PAQR5: variants seen among roughly 807,000 people sequenced by gnomAD.
The protein encoded by PAQR5 is membrane progestin receptor gamma.
A neutral mutation model predicts 34.5 loss-of-function variants in PAQR5; 20 were observed. That is an observed-to-expected ratio of 0.58 (90% CI 0.41 to 0.84). The LOEUF is 0.84. PAQR5 is among the 40% of genes least tolerant of loss of function. The pLI, the probability that PAQR5 is intolerant of heterozygous loss-of-function variation, is 0.00. For synonymous variants in PAQR5, 131 were observed against 155.6 expected (o/e 0.84, Z 1.18); for missense variants, 378 against 412.7 (o/e 0.92, Z 0.73).
intron 2 of PAQR5, among the ~76,000 whole-genome samples, chr15:69,356,198 A>G (rs982950731): frequency 5.3e-5 from 8 of 152,050 alleles, no homozygotes; most frequent in African/African-American, 1.7e-4. Flanking sequence ...CTTGATTTCT[A>G]TTGTTGTCTG....
chr15:69,389,565 C>T, intron 5 of PAQR5, 89 bp from the exon 6 acceptor site: 4 of 1,554,350 alleles, frequency 2.6e-6, no homozygotes, highest in Non-Finnish European at 3.5e-6. Context: ...ATGATAAGGG[C>T]CAAGCCAGAT....
At chr15:69,368,168 C>G (rs1312749679) in intron 3 of PAQR5, among the ~76,000 whole-genome samples, 1 of 94,326 alleles carries the variant, frequency 1.1e-5, no homozygotes, top group Non-Finnish European at 2.3e-5. Flanking sequence ...ATTCTCCTGC[C>G]TCAGCCTCCT....
At chr15:69,304,655 AC>A (rs1342740996) in intron 1 of PAQR5, among the ~76,000 whole-genome samples, 4 of 151,904 alleles carry the variant, frequency 2.6e-5, no homozygotes, top group African/African-American at 9.7e-5. Flanking sequence ...AGCCAGGACC[AC>A]CCCCAGCATG....
chr15:69,397,856 C>T, intron 7 of PAQR5: 7 of 428,700 alleles, frequency 1.6e-5, no homozygotes, highest in Non-Finnish European at 3.0e-5. Flanking sequence ...TCTTTCTTTC[C>T]CCCACACCCA....
At chr15:69,361,701 C>T (rs979226369) in intron 3 of PAQR5, among the ~76,000 whole-genome samples, 6 of 152,150 alleles carry the variant, frequency 3.9e-5, no homozygotes, top group Admixed American at 3.3e-4. Flanking sequence ...GTTTGGGGGA[C>T]AACACCCCCA....
intron 1 of PAQR5, among the ~76,000 whole-genome samples, chr15:69,307,593 C>A (rs2053746213): frequency 1.3e-5 from 2 of 152,116 alleles, no homozygotes; most frequent in Non-Finnish European, 1.5e-5. Context: ...AGGTCTTGCA[C>A]CTTTCATCCC....
intron 4 of PAQR5, 115 bp downstream of exon 4, chr15:69,380,125 C>T: frequency 8.5e-7 from 1 of 1,180,456 alleles, no homozygotes. Context: ...GTTTGGGGAT[C>T]CCCCGTGGGT....
intron 1 of PAQR5, among the ~76,000 whole-genome samples, chr15:69,325,090 G>A (rs896478676): frequency 1.3e-5 from 2 of 152,078 alleles, no homozygotes; most frequent in Non-Finnish European, 1.5e-5. Flanking sequence ...GTAGAGACAG[G>A]GTTTTGCCAT....
intron 7 of PAQR5, 86 bp from the exon 8 acceptor site, chr15:69,399,888 A>G: frequency 2.1e-6 from 3 of 1,407,148 alleles, no homozygotes; most frequent in East Asian, 2.3e-5. Flanking sequence ...AGAGCCCCCA[A>G]AGTCCCAGAT....
intron 8 of PAQR5, chr15:69,401,088 C>T (rs1007031291): frequency 6.6e-6 from 1 of 152,280 alleles, no homozygotes; most frequent in African/African-American, 2.4e-5. Flanking sequence ...GTTCTTTCCC[C>T]GCTCTGTCTA....
At chr15:69,355,725 C>T (rs2055060527) in intron 2 of PAQR5, among the ~76,000 whole-genome samples, 1 of 151,960 alleles carries the variant, frequency 6.6e-6, no homozygotes, top group African/African-American at 2.4e-5. Context: ...CCGGCCTGTC[C>T]TATTTCTTTA....
chr15:69,401,919 G>A lies in PAQR5; in HGVS notation c.752-1662G>A, dbSNP rs904274507. Among the ~76,000 whole-genome samples the A allele has an allele frequency of 7.2e-5, 11 of 152,256 alleles. No homozygotes were observed. The East Asian group carries it at 1.9e-3, about 27-fold the overall frequency. On this transcript the variant is annotated intron_variant, in intron 8 of 8. Transcript: ENST00000395407. ...ACACTGAATTTTTTATTTTTCTAGA[G>A]ATGGGATCTCACTGTGTTGCCCAGG... is the stretch of plus-strand genomic sequence containing the variant.
Position 69,367,812 on chromosome 15 carries a change from C to T in PAQR5, c.51+7681C>T, listed in dbSNP as rs780158885. Among the ~76,000 whole-genome samples, 11 of 152,300 alleles carry T rather than the reference C, an allele frequency of 7.2e-5. 1 individual carries two copies. The South Asian group carries it at 8.3e-4, about 11-fold the overall frequency. On this transcript the variant is annotated intron_variant, in intron 3 of 8. Transcript: ENST00000395407. ...CGGGATTGTGCAGAAGGAGAAGCTG[C>T]GTTAGAAACCTCCACCAGTCACTCA...
At chr15:69,316,904 C>T (rs2140570840) in intron 1 of PAQR5, among the ~76,000 whole-genome samples, 1 of 152,322 alleles carries the variant, frequency 6.6e-6, no homozygotes, top group African/African-American at 2.4e-5. Context: ...ACTGCAACAC[C>T]TGCCTCCTGG....
At chr15:69,371,209 A>G (rs1157298773) in intron 3 of PAQR5, among the ~76,000 whole-genome samples, 2 of 152,136 alleles carry the variant, frequency 1.3e-5, no homozygotes, top group African/African-American at 2.4e-5. Context: ...ATTCAGTTTT[A>G]TTGAGGTAGA....
Position 69,407,569 on chromosome 15 carries a change from C to T in PAQR5, c.*3747C>T, listed in dbSNP as rs1470505305. ...CCTGTTTCCAAACTCAGATGTTCTCCAACTTACACTAATGTCTGGTTTTCT... is the reference window on the plus strand; with the variant it reads ...CCTGTTTCCAAACTCAGATGTTCTCTAACTTACACTAATGTCTGGTTTTCT... On this transcript the variant is annotated 3_prime_UTR_variant, in exon 9 of 9. Transcript: ENST00000395407. The T allele has an allele frequency of 6.6e-6, 1 of 152,168 alleles. No individual in the cohort carries two copies. Among genetic ancestry groups the T allele is most frequent in the Non-Finnish European group, 1.5e-5 (1 of 68,026 alleles). The allele number at this position is 152,168 out of a possible 1,614,324, so 9.4% of individuals were successfully genotyped here.
At chr15:69,301,785 G>T (rs906781197) in intron 1 of PAQR5, among the ~76,000 whole-genome samples, 1 of 147,802 alleles carries the variant, frequency 6.8e-6, no homozygotes, top group East Asian at 2.1e-4. Context: ...TACACAGAAG[G>T]TTTACAAGAC....
chr15:69,358,723 C>T (rs1223150033), intron 2 of PAQR5, among the ~76,000 whole-genome samples: 1 of 148,830 alleles, frequency 6.7e-6, no homozygotes, highest in African/African-American at 2.5e-5. Context: ...CCTTGACCTC[C>T]TGGGCTGAAG....
intron 8 of PAQR5, among the ~76,000 whole-genome samples, chr15:69,401,655 G>A (rs1220087699): frequency 1.3e-5 from 2 of 152,222 alleles, no homozygotes; most frequent in Non-Finnish European, 2.9e-5. Context: ...TAGGGGTACA[G>A]AGCTGAAAAA....
Sources: allele counts gnomAD v4.1 joint callset (sites outside exome capture counted in the v4.1 genomes callset), GRCh38; gene constraint gnomAD v4.1.1; transcripts MANE v1.5; gene names NCBI Gene and HGNC (gene_info 2026-07-23, HGNC 2026-07-21).